Variants in SLC9B1 observed in about 807,000 individuals in gnomAD.
The protein encoded by SLC9B1 is sodium/hydrogen exchanger 9B1.
A neutral mutation model predicts 51.7 loss-of-function variants in SLC9B1; 32 were observed. The observed-to-expected ratio is 0.62, with a 90% confidence interval of 0.47 to 0.83. The LOEUF is 0.83. Ranked by LOEUF, SLC9B1 falls within the 40% of genes least tolerant of loss-of-function variation. The pLI, the probability that SLC9B1 is intolerant of heterozygous loss-of-function variation, is 0.00. For missense variants in SLC9B1, 406 were observed against 613.2 expected, an observed-to-expected ratio of 0.66 and a Z score of 3.57; for synonymous variants, 145 against 212.7, an observed-to-expected ratio of 0.68 and a Z score of 2.77.
At chr4:103,006,768 C>T (rs572458163) in intron 1 of SLC9B1, among the ~76,000 whole-genome samples, 1 of 152,296 alleles carries the variant, frequency 6.6e-6, no homozygotes, top group African/African-American at 2.4e-5. Context: ...TTCAGCAGCA[C>T]ATGAAAAAGC....
intron 3 of SLC9B1, among the ~76,000 whole-genome samples, 197 bp downstream of exon 3, chr4:102,989,602 TA>T (rs1421411878): frequency 2.6e-5 from 4 of 152,008 alleles, no homozygotes; most frequent in Non-Finnish European, 5.9e-5. Flanking sequence ...ATACACCTCC[TA>T]GGCAATATTT....
intron 7 of SLC9B1, among the ~76,000 whole-genome samples, chr4:102,913,796 T>TAAAAAA: frequency 1.4e-5 from 1 of 71,450 alleles, no homozygotes. Context: ...AGATAGAAAC[T>TAAAAAA]AAAAAAAAAA....
At chr4:102,961,220 T>C (rs1215045129) in intron 3 of SLC9B1, among the ~76,000 whole-genome samples, 2 of 152,230 alleles carry the variant, frequency 1.3e-5, no homozygotes, top group African/African-American at 4.8e-5. Context: ...GAATTTTGCG[T>C]ACAAGGAGTC....
At chr4:103,016,680 TC>T (rs1158888387) in intron 1 of SLC9B1, 1 of 148,422 alleles carries the variant, frequency 6.7e-6, no homozygotes, top group African/African-American at 2.5e-5. Flanking sequence ...GGTCTGGAAC[TC>T]CCGTCCTCAG....
At position 102,945,177 on chromosome 4, in the gene SLC9B1, A is replaced by T; in HGVS notation, c.653+16T>A. ...TAATTGAATATTTTCATAAGAAAAAATGAGAAAGAAATTACCCTAATAGAA... is the reference window on the plus strand; with the variant it reads ...TAATTGAATATTTTCATAAGAAAAATTGAGAAAGAAATTACCCTAATAGAA... On this transcript the variant is annotated intron_variant, in intron 6 of 11. Coordinates refer to ENST00000296422, the MANE Select transcript of SLC9B1 (RefSeq NM_139173.4). The T allele has an allele frequency of 6.4e-7, 1 of 1,557,624 alleles. No individual in the cohort carries two copies.
chr4:102,945,008 T>C (rs1737198557), intron 6 of SLC9B1, among the ~76,000 whole-genome samples, 185 bp downstream of exon 6: 1 of 152,184 alleles, frequency 6.6e-6, no homozygotes, highest in Non-Finnish European at 1.5e-5. Context: ...GCTATGAATG[T>C]TTGTTAAAAA....
intron 7 of SLC9B1, among the ~76,000 whole-genome samples, chr4:102,929,087 G>A (rs1736325254): frequency 6.6e-6 from 1 of 152,100 alleles, no homozygotes; most frequent in South Asian, 2.1e-4. Flanking sequence ...AATCTCCTTT[G>A]GCAACACCCT....
chr4:102,893,292 A>AAAAAAG (rs1438654369), intron 11 of SLC9B1, among the ~76,000 whole-genome samples: 1 of 149,628 alleles, frequency 6.7e-6, no homozygotes, highest in Admixed American at 6.7e-5. Flanking sequence ...AAAAAAAAAA[A>AAAAAAG]AAAAAAAAAA....
At chr4:102,965,830 A>C (rs550413590) in intron 3 of SLC9B1, among the ~76,000 whole-genome samples, 1 of 152,352 alleles carries the variant, frequency 6.6e-6, no homozygotes, top group Non-Finnish European at 1.5e-5. Flanking sequence ...ACAATGGTGG[A>C]ATAGTCATAT....
chr4:102,910,985 G>C (rs537437913), intron 8 of SLC9B1, among the ~76,000 whole-genome samples: 2 of 152,234 alleles, frequency 1.3e-5, no homozygotes, highest in Admixed American at 6.5e-5. Flanking sequence ...CAAAAGTAAT[G>C]GCATGTTTTC....
intron 3 of SLC9B1, among the ~76,000 whole-genome samples, chr4:102,956,845 G>GA (rs1397523488): frequency 2.0e-5 from 3 of 151,918 alleles, no homozygotes; most frequent in African/African-American, 7.2e-5. Context: ...TCATACTCTG[G>GA]AAAAAAAGCA....
chr4:102,893,744 C>T (rs530965272), intron 11 of SLC9B1, among the ~76,000 whole-genome samples: 3 of 151,688 alleles, frequency 2.0e-5, no homozygotes, highest in South Asian at 2.1e-4. Context: ...GACAATATGG[C>T]GAAACCCCAT....
intron 3 of SLC9B1, among the ~76,000 whole-genome samples, chr4:102,951,316 C>T (rs1737541485): frequency 6.6e-6 from 1 of 152,060 alleles, no homozygotes; most frequent in African/African-American, 2.4e-5. Flanking sequence ...TCCCAGACTG[C>T]ATAAAGTCTC....
At chr4:102,975,569 T>TAC (rs201527601) in intron 3 of SLC9B1, among the ~76,000 whole-genome samples, 7,380 of 95,706 alleles carry the variant, frequency 0.077, 455 homozygotes, top group African/African-American at 0.14. Flanking sequence ...TATATACATA[T>TAC]ATATATATAT....
At chr4:102,970,352 G>A (rs1336237422) in intron 3 of SLC9B1, among the ~76,000 whole-genome samples, 1 of 152,160 alleles carries the variant, frequency 6.6e-6, no homozygotes, top group Non-Finnish European at 1.5e-5. Flanking sequence ...TTAAAGAAAA[G>A]AATTTTCAAC....
chr4:102,942,740 GA>G (rs1243373239), intron 6 of SLC9B1, among the ~76,000 whole-genome samples: 3 of 152,132 alleles, frequency 2.0e-5, no homozygotes, highest in Admixed American at 6.5e-5. Context: ...GGTAACATTG[GA>G]AATACCCTTC....
At chr4:102,983,579 A>T (rs547687180) in intron 3 of SLC9B1, among the ~76,000 whole-genome samples, 1 of 152,278 alleles carries the variant, frequency 6.6e-6, no homozygotes, top group Admixed American at 6.6e-5. Context: ...AGGCCTATTC[A>T]TATTATCCAC....
In SLC9B1 at chr4:102,980,351, C is replaced by T. The variant is rs141292775; in HGVS notation, c.211+9449G>A. On this transcript the variant is annotated intron_variant, in intron 3 of 11. Transcript: ENST00000296422. ...AAAAGATGTGGAATCAACATAAATG[C>T]CCATCAATGATAGACTGCATAAAGA... 4.7e-3 allele frequency among the ~76,000 whole-genome samples: 708 copies of T among 152,242 alleles called. 9 individuals are homozygous for T. Among genetic ancestry groups the T allele is most frequent in the African/African-American group, 0.016 (654 of 41,532 alleles).
chr4:102,943,506 T>TACACACACACACACACACACACAC (rs373442152), intron 6 of SLC9B1, among the ~76,000 whole-genome samples: 28 of 145,590 alleles, frequency 1.9e-4, no homozygotes, highest in African/African-American at 5.9e-4. Flanking sequence ...TGTGTATGTA[T>TACACACACACACACACACACACAC]ACACACACAC....
Sources: gnomAD v4.1 joint callset for allele counts (sites outside exome capture counted in the v4.1 genomes callset) on GRCh38, gnomAD v4.1.1 for gene constraint, MANE v1.5 for transcripts, NCBI Gene and HGNC (gene_info 2026-07-23, HGNC 2026-07-21) for gene names.